The following UPF3A variants were observed in gnomAD, a reference collection of about 807,000 sequenced individuals.
UPF3A encodes UPF3A regulator of nonsense mediated mRNA decay.
A neutral mutation model predicts 53.5 loss-of-function variants in UPF3A; 42 were observed. That is an observed-to-expected ratio of 0.78 (90% confidence interval 0.61 to 1.01). UPF3A has a LOEUF of 1.01. Ranked by LOEUF, UPF3A falls within the 50% of genes least tolerant of loss-of-function variation. The pLI is 0.00. For missense variants in UPF3A, 575 were observed against 598.0 expected (o/e 0.96, Z 0.40); for synonymous variants, 237 against 225.3 (o/e 1.05, Z -0.47).
intron 5 of UPF3A, among the ~76,000 whole-genome samples, chr13:114,287,875 C>T (rs973439343): frequency 5.9e-5 from 9 of 152,260 alleles, no homozygotes; most frequent in Admixed American, 5.2e-4. Flanking sequence ...GGCACAATCT[C>T]GGCTCACTGC....
intron 7 of UPF3A, among the ~76,000 whole-genome samples, chr13:114,296,713 G>C (rs149609717): frequency 2.6e-3 from 402 of 152,292 alleles, no homozygotes; most frequent in African/African-American, 5.6e-3. Context: ...AGTCTTGTGG[G>C]ACTGAGCCCT....
intron 9 of UPF3A, among the ~76,000 whole-genome samples, chr13:114,302,457 C>T (rs1364404743): frequency 6.6e-6 from 1 of 152,014 alleles, no homozygotes; most frequent in Non-Finnish European, 1.5e-5. Context: ...GTGGTTACCC[C>T]CTTAGCCAAG....
At chr13:114,282,435 C>G (rs537997064) in intron 2 of UPF3A, 1 of 985,192 alleles carries the variant, frequency 1.0e-6, no homozygotes, top group African/African-American at 1.7e-5. Flanking sequence ...TGCTCGTCCG[C>G]GGACGGGGCG....
intron 3 of UPF3A, chr13:114,285,198 T>TC (rs1239706857): frequency 1.3e-5 from 2 of 152,388 alleles, no homozygotes; most frequent in African/African-American, 4.8e-5. Context: ...GACTTTCTTT[T>TC]CCCCATTGAA....
At chr13:114,293,071 CAAAAAAAAAAAAAA>C (rs1164617444) in intron 7 of UPF3A, among the ~76,000 whole-genome samples, 1 of 49,610 alleles carries the variant, frequency 2.0e-5, no homozygotes, top group Non-Finnish European at 4.0e-5. Flanking sequence ...GACTCCCTCT[CAAAAAAAAAAAAAA>C]AAAAAAAAAA....
At position 114,301,826 on chromosome 13, in the gene UPF3A, G is replaced by A; in HGVS notation, c.1103G>A (p.Arg368Lys). 1 of 1,613,832 alleles carries A rather than the reference G, an allele frequency of 6.2e-7. No individual in the cohort carries two copies. Among genetic ancestry groups the A allele is most frequent in the South Asian group, 1.1e-5 (1 of 91,062 alleles). Residue 368 changes from arginine to lysine, a missense_variant, in exon 9 of 10, where the codon AGG (arginine) becomes AAG (lysine). Physicochemically the swap from Arg to Lys is conservative, Grantham distance 26 (BLOSUM62 2). This residue lies in a region of UPF3A where 323 missense variants were observed against 415.2 expected (regional missense o/e 0.78). Coordinates refer to ENST00000375299, the MANE Select transcript of UPF3A (RefSeq NM_023011.4). ...AQRYHVDDGR[R>K]HRAHHEPERL... is the part of the protein sequence containing the mutation. ...AGATACCATGTGGATGACGGCAGGAGGCACAGAGCTCACCACGAGCCTGAA... is the reference window on the plus strand; with the variant it reads ...AGATACCATGTGGATGACGGCAGGAAGCACAGAGCTCACCACGAGCCTGAA...
chr13:114,304,193 T>G (rs1184478266), intron 9 of UPF3A, among the ~76,000 whole-genome samples: 4 of 152,224 alleles, frequency 2.6e-5, no homozygotes, highest in Admixed American at 2.6e-4. Context: ...GGTGGCCCCA[T>G]CAGGAGGAAT....
chr13:114,288,179 C>T (rs1472752191), intron 5 of UPF3A, among the ~76,000 whole-genome samples: 1 of 152,218 alleles, frequency 6.6e-6, no homozygotes, highest in Non-Finnish European at 1.5e-5. Flanking sequence ...GACTCTGGGC[C>T]TCAGCATGGG....
intron 5 of UPF3A, among the ~76,000 whole-genome samples, chr13:114,287,964 G>A (rs533865423): frequency 6.6e-6 from 1 of 152,146 alleles, no homozygotes; most frequent in South Asian, 2.1e-4. Flanking sequence ...CCGCCATCAT[G>A]CCCAGCTAAT....
rs112653680 is a variant in UPF3A at position 114,301,852 on chromosome 13, C to T, written c.1129C>T (p.Arg377Trp). Residue 377 changes from arginine to tryptophan, a missense_variant, in exon 9 of 10, where the codon CGG becomes TGG. By Grantham distance (101) the Arg-to-Trp change is moderately radical. Coordinates refer to ENST00000375299, the MANE Select transcript of UPF3A (RefSeq NM_023011.4). ...GCACAGAGCTCACCACGAGCCTGAA[C>T]GGCTTTCCAGAAGGAGTGAGGATGA... ...RRHRAHHEPE[R>W]LSRRSEDEQR... 8.9e-5 allele frequency: 144 copies of T among 1,613,186 alleles called. No homozygotes were observed. The African/African-American group carries it at 9.1e-4, about 10-fold the overall frequency.
At chr13:114,299,224 G>T (rs183120558) in intron 8 of UPF3A, among the ~76,000 whole-genome samples, 2 of 152,298 alleles carry the variant, frequency 1.3e-5, no homozygotes, top group East Asian at 3.9e-4. Flanking sequence ...TCTTCCTGTT[G>T]TTTGCTTTGC....
At chr13:114,302,114 G>A in intron 9 of UPF3A, 89 bp downstream of exon 9, 1 of 1,319,638 alleles carries the variant, frequency 7.6e-7, no homozygotes. Flanking sequence ...TTGGCCTTGT[G>A]TCTTGGGGAA....
In UPF3A at chr13:114,301,771, A is replaced by T. The variant is rs1447908068; in HGVS notation, c.1048A>T (p.Arg350Ter). The T allele has an allele frequency of 6.2e-7, 1 of 1,613,862 alleles. No individual in the cohort carries two copies. Among genetic ancestry groups the T allele is most frequent in the African/African-American group, 1.3e-5 (1 of 74,924 alleles). ...TGATAAAGAGCACAGGGATGTGGAG[A>T]GATCTCAAGAACAAGAATCTGAAGC... is the stretch of plus-strand genomic sequence containing the variant. ...GSDKEHRDVERSQEQESEAQR... is the reference protein window; with the variant it reads ...GSDKEHRDVE Residue 350 changes from arginine (R) to a stop codon, truncating the protein, a stop_gained, in exon 9 of 10, where the codon AGA (arginine) becomes TGA (stop). Transcript: ENST00000375299. LOFTEE classifies it high-confidence loss of function.
At chr13:114,283,773 T>G in intron 3 of UPF3A, 1 of 985,594 alleles carries the variant, frequency 1.0e-6, no homozygotes, top group South Asian at 4.7e-5. Flanking sequence ...TTTTTCCTTC[T>G]CTTCTCCTGT....
chr13:114,300,649 C>T (rs1394517072), intron 8 of UPF3A, among the ~76,000 whole-genome samples: 1 of 152,030 alleles, frequency 6.6e-6, no homozygotes, highest in Admixed American at 6.6e-5. Flanking sequence ...GTGCAATTCT[C>T]CTGCCTCAGC....
chr13:114,283,695 G>A (rs894750865), intron 3 of UPF3A: 10 of 926,920 alleles, frequency 1.1e-5, no homozygotes, highest in Non-Finnish European at 1.3e-5. Context: ...TTTGCCTGCG[G>A]AGACAGCAGT....
chr13:114,295,144 A>G (rs1030703113), intron 7 of UPF3A, among the ~76,000 whole-genome samples: 4 of 151,604 alleles, frequency 2.6e-5, no homozygotes, highest in Non-Finnish European at 5.9e-5. Context: ...GAAATACGGC[A>G]CACAGAACAG....
chr13:114,294,273 T>TGA (rs1555372457), intron 7 of UPF3A, among the ~76,000 whole-genome samples: 3 of 143,074 alleles, frequency 2.1e-5, no homozygotes, highest in Non-Finnish European at 4.6e-5. Context: ...TTGGTTTTGG[T>TGA]GGGGGGGGGG....
chr13:114,281,963 C>A, intron 1 of UPF3A, 58 bp from the exon 2 acceptor site: 2 of 1,494,214 alleles, frequency 1.3e-6, no homozygotes, highest in East Asian at 5.0e-5. Flanking sequence ...TACGCGGTGC[C>A]TTTTGAGCTC....
Sources: allele counts gnomAD v4.1 joint callset (sites outside exome capture counted in the v4.1 genomes callset), GRCh38; gene constraint gnomAD v4.1.1; regional missense constraint gnomAD v4.1.1; transcripts MANE v1.5; gene names NCBI Gene and HGNC (gene_info 2026-07-23, HGNC 2026-07-21).